Variants in MYLK4 observed in about 807,000 individuals in gnomAD.
MYLK4 encodes the protein myosin light chain kinase family member 4, also known as caMLCK like.
MYLK4 carries 46 observed loss-of-function variants against 48.1 expected under a neutral mutation model. That is an observed-to-expected ratio of 0.96 (90% CI 0.75 to 1.22). The LOEUF (loss-of-function observed/expected upper bound fraction) is 1.22, where lower values mean the gene tolerates loss of function less well. Ranked by LOEUF, MYLK4 falls within the 50% of genes most tolerant of loss-of-function variation. MYLK4 has a pLI of 0.00. For synonymous variants in MYLK4, 170 were observed against 180.8 expected (o/e 0.94, Z 0.48); for missense variants, 451 against 486.1 (o/e 0.93, Z 0.68).
chr6:2,720,359 G>A (rs557892987), intron 2 of MYLK4, among the ~76,000 whole-genome samples: 11 of 151,758 alleles, frequency 7.2e-5, no homozygotes, highest in Admixed American at 3.3e-4. Flanking sequence ...AGCCGAGATC[G>A]CGCCACTACA....
intron 2 of MYLK4, among the ~76,000 whole-genome samples, chr6:2,738,196 G>C (rs1016571741): frequency 2.6e-5 from 4 of 152,146 alleles, no homozygotes; most frequent in African/African-American, 7.2e-5. Flanking sequence ...AAACTAGCAA[G>C]TGGGTGACAC....
chr6:2,740,252 G>A (rs1000419658), intron 2 of MYLK4, among the ~76,000 whole-genome samples: 12 of 152,142 alleles, frequency 7.9e-5, no homozygotes, highest in African/African-American at 2.7e-4. Context: ...CTTGTCCTCC[G>A]CGCATGCTCT....
the MYLK4 span, chr6:2,768,825 C>T: frequency 6.2e-7 from 1 of 1,613,648 alleles, no homozygotes; most frequent in African/African-American, 1.3e-5. Flanking sequence ...AGAGCTTTTT[C>T]AAAAGGAAAA....
At chr6:2,693,884 A>G (rs1421106305) in intron 2 of MYLK4, among the ~76,000 whole-genome samples, 2 of 151,526 alleles carry the variant, frequency 1.3e-5, no homozygotes, top group Non-Finnish European at 2.9e-5. Context: ...CAGCCTCCTG[A>G]GTAGCTGGGA....
intron 2 of MYLK4, among the ~76,000 whole-genome samples, chr6:2,694,668 G>A (rs1236399067): frequency 9.9e-6 from 1 of 101,508 alleles, no homozygotes; most frequent in Non-Finnish European, 2.1e-5. Flanking sequence ...GATGGTGGTA[G>A]TGGTGACAGC....
At chr6:2,725,343 A>G (rs1175927324) in intron 2 of MYLK4, among the ~76,000 whole-genome samples, 1 of 152,026 alleles carries the variant, frequency 6.6e-6, no homozygotes, top group Non-Finnish European at 1.5e-5. Flanking sequence ...GTACACACCT[A>G]CAGTCTGAGC....
At chr6:2,691,848 A>G (rs747751988) in intron 3 of MYLK4, among the ~76,000 whole-genome samples, 17 of 152,236 alleles carry the variant, frequency 1.1e-4, no homozygotes, top group Non-Finnish European at 2.1e-4. Flanking sequence ...AAAAATTCAT[A>G]TAAGCTGGAA....
At chr6:2,754,972 T>G (rs1764391147), upstream of MYLK4, among the ~76,000 whole-genome samples, 1 of 146,204 alleles carries the variant, frequency 6.8e-6, no homozygotes, top group Non-Finnish European at 1.5e-5. Flanking sequence ...ATCTTTTATT[T>G]TCTGCTTGGA....
chr6:2,676,297 G>T (rs1761081412), intron 10 of MYLK4, among the ~76,000 whole-genome samples: 1 of 152,056 alleles, frequency 6.6e-6, no homozygotes, highest in Non-Finnish European at 1.5e-5. Flanking sequence ...CAATGAACTT[G>T]GTGACAACAT....
intron 10 of MYLK4, among the ~76,000 whole-genome samples, 175 bp from the exon 11 acceptor site, chr6:2,675,300 C>T (rs375906956): frequency 6.6e-6 from 1 of 152,120 alleles, no homozygotes; most frequent in Non-Finnish European, 1.5e-5. Context: ...AGGTGACTAT[C>T]GAATCCAATC....
At chr6:2,744,677 TG>T (rs1308259700) in intron 2 of MYLK4, among the ~76,000 whole-genome samples, 1 of 152,174 alleles carries the variant, frequency 6.6e-6, no homozygotes, top group East Asian at 1.9e-4. Flanking sequence ...TTGCTTTGCT[TG>T]GTCTTGGGAG....
chr6:2,674,730 G>C (rs868433496), intron 11 of MYLK4, among the ~76,000 whole-genome samples: 1 of 152,074 alleles, frequency 6.6e-6, no homozygotes, highest in South Asian at 2.1e-4. Context: ...AATTAGCCAG[G>C]CATGGTGGCA....
intron 4 of MYLK4, 122 bp downstream of exon 4, chr6:2,688,729 G>A (rs1761659349): frequency 1.3e-6 from 1 of 795,462 alleles, no homozygotes; most frequent in East Asian, 2.5e-5. Flanking sequence ...AATGGTTACT[G>A]TTTCTTAAAA....
In MYLK4 at chr6:2,678,190, C is replaced by G. The variant is rs139657219; in HGVS notation, c.1040+30G>C. 5.0e-6 allele frequency: 8 copies of G among 1,608,334 alleles called. No homozygotes were observed. The South Asian group carries it at 8.9e-5, about 18-fold the overall frequency. On this transcript the variant is annotated intron_variant, in intron 10 of 12. Transcript: ENST00000274643. ...CCCTGCTTCCTTATCATCCCTACTGCGCCCGGAGCACAGGACGAACTTGCG... is the reference window on the plus strand; with the variant it reads ...CCCTGCTTCCTTATCATCCCTACTGGGCCCGGAGCACAGGACGAACTTGCG...
At chr6:2,696,471 A>G (rs1181166316) in intron 2 of MYLK4, among the ~76,000 whole-genome samples, 2 of 152,238 alleles carry the variant, frequency 1.3e-5, no homozygotes. Context: ...TGCCCTTATA[A>G]GAACCAAAAT....
Position 2,692,832 on chromosome 6 carries a change from G to T in MYLK4, c.187C>A (p.Leu63Met). Residue 63 changes from leucine (L) to methionine (M), a missense_variant, in exon 3 of 13, where the codon CTG becomes ATG. By Grantham distance (15) the Leu-to-Met change is conservative (BLOSUM62 2). Transcript: ENST00000274643. The part of the protein sequence containing the change: ...EAKEVWSNAD[L>M]TERMPVKSKR... ...CTTTTGACGGGCATCCTTTCCGTCAGGTCGGCGTTTGACCACACCTCCTTC... is the reference window on the plus strand; with the variant it reads ...CTTTTGACGGGCATCCTTTCCGTCATGTCGGCGTTTGACCACACCTCCTTC... 1 of 1,613,714 alleles carries T rather than the reference G, an allele frequency of 6.2e-7. No homozygotes were observed.
chr6:2,701,158 T>C (rs961656766), intron 2 of MYLK4, among the ~76,000 whole-genome samples: 1 of 152,174 alleles, frequency 6.6e-6, no homozygotes, highest in African/African-American at 2.4e-5. Flanking sequence ...TCGCATGAAG[T>C]TTACAGTGTT....
intron 2 of MYLK4, among the ~76,000 whole-genome samples, chr6:2,733,083 T>C (rs1343409671): frequency 6.6e-6 from 1 of 152,234 alleles, no homozygotes; most frequent in African/African-American, 2.4e-5. Context: ...AGCTCTTCTT[T>C]AAACTGTCAA....
rs1163270802 is a variant in MYLK4, at chr6:2,731,441, C to T, written c.159+17695G>A. On this transcript the variant is annotated intron_variant, in intron 2 of 12. Transcript: ENST00000274643. The stretch of plus-strand genomic sequence containing the variant: ...TGGAGGTGCTTCTCCCTCTGCCTGG[C>T]CGCATTCCTTCACCCCATGCTGAGC... Among the ~76,000 whole-genome samples, 4 of 152,266 alleles carry T rather than the reference C, an allele frequency of 2.6e-5. No individual in the cohort carries two copies. In the East Asian group the frequency reaches 5.8e-4, roughly 22 times the overall value.
Sources: gnomAD v4.1 joint callset for allele counts (sites outside exome capture counted in the v4.1 genomes callset) on GRCh38, gnomAD v4.1.1 for gene constraint, MANE v1.5 for transcripts, NCBI Gene and HGNC (gene_info 2026-07-23, HGNC 2026-07-21) for gene names.